Variants in NTM observed in about 807,000 individuals in gnomAD.
The protein encoded by NTM is neurotrimin, also known as IgLON family member 2.
A neutral mutation model predicts 42.1 loss-of-function variants in NTM; 13 were observed. The ratio of observed to expected loss-of-function variants is 0.31; its 90% CI spans 0.20 to 0.49. The LOEUF (loss-of-function observed/expected upper bound fraction) is 0.49, where lower values mean the gene tolerates loss of function less well. NTM is among the 20% of genes least tolerant of loss of function. NTM has a pLI of 0.99. For synonymous variants in NTM, 187 were observed against 179.2 expected (o/e 1.04, Z -0.35); for missense variants, 373 against 452.8 (o/e 0.82, Z 1.60).
intron 1 of NTM, among the ~76,000 whole-genome samples, chr11:131,691,695 G>A (rs969198672): frequency 5.3e-5 from 8 of 152,254 alleles, no homozygotes; most frequent in African/African-American, 1.7e-4. Context: ...GCTCCCGCTC[G>A]GCCCCGCCAG....
chr11:131,611,287 C>CA (rs2061442453), intron 1 of NTM, among the ~76,000 whole-genome samples: 1 of 152,156 alleles, frequency 6.6e-6, no homozygotes, highest in Non-Finnish European at 1.5e-5. Context: ...GAGGTAATAG[C>CA]ACGATATCCT....
chr11:131,735,506 G>A (rs1360995503), intron 1 of NTM, among the ~76,000 whole-genome samples: 1 of 152,258 alleles, frequency 6.6e-6, no homozygotes, highest in Non-Finnish European at 1.5e-5. Context: ...AGGGGGATGT[G>A]TGGGGTTGTA....
At position 131,544,813 on chromosome 11, in the gene NTM, G is replaced by A. The variant is rs1452968631; in HGVS notation, c.82+173925G>A. Among the ~76,000 whole-genome samples, 3 of 152,188 alleles carry A rather than the reference G, an allele frequency of 2.0e-5. No individual in the cohort carries two copies. The South Asian group carries it at 6.2e-4, about 32-fold the overall frequency. ...CTCCTGGGGGCGCCGCTTGCTCTAT[G>A]TTTTGAGCCCTCCAGGCGAATCTCT... On this transcript the variant is annotated intron_variant, in intron 1 of 8. Coordinates refer to ENST00000683400, the MANE Select transcript of NTM (RefSeq NM_001352005.2).
chr11:131,666,926 T>G (rs781603801), intron 1 of NTM, among the ~76,000 whole-genome samples: 2 of 152,184 alleles, frequency 1.3e-5, no homozygotes, highest in African/African-American at 2.4e-5. Flanking sequence ...GTCTCACATC[T>G]GAGCGATTCA....
intron 1 of NTM, among the ~76,000 whole-genome samples, chr11:131,875,957 G>GGGGCCCAGTGCAAGGGAGAGTC (rs1221785841): frequency 3.9e-5 from 6 of 152,250 alleles, no homozygotes. Flanking sequence ...AGGCTGAGGA[G>GGGGCCCAGTGCAAGGGAGAGTC]GGGCCCAGTG....
chr11:131,579,924 C>T (rs1474703940), intron 1 of NTM, among the ~76,000 whole-genome samples: 2 of 152,136 alleles, frequency 1.3e-5, no homozygotes, highest in African/African-American at 4.8e-5. Context: ...GCATCAATGC[C>T]ATATTTAGAA....
chr11:131,629,051 T>C (rs1218574041), intron 1 of NTM, among the ~76,000 whole-genome samples: 1 of 152,208 alleles, frequency 6.6e-6, no homozygotes, highest in Non-Finnish European at 1.5e-5. Context: ...GTCCGATCTG[T>C]TTTCTGCTCT....
At chr11:131,883,913 C>G (rs1403232899) in intron 1 of NTM, among the ~76,000 whole-genome samples, 1 of 152,144 alleles carries the variant, frequency 6.6e-6, no homozygotes, top group East Asian at 1.9e-4. Flanking sequence ...CTTGACTTTT[C>G]TTTTATTAAA....
intron 1 of NTM, among the ~76,000 whole-genome samples, chr11:131,618,170 G>A (rs1294262837): frequency 6.6e-6 from 1 of 152,182 alleles, no homozygotes; most frequent in Non-Finnish European, 1.5e-5. Flanking sequence ...GTATAACTCT[G>A]GTTACAGCAG....
At chr11:131,664,173 T>G (rs889526684) in intron 1 of NTM, among the ~76,000 whole-genome samples, 1 of 152,200 alleles carries the variant, frequency 6.6e-6, no homozygotes, top group Non-Finnish European at 1.5e-5. Flanking sequence ...AGAACCCAGT[T>G]TGAGGCCTGC....
chr11:132,007,274 G>T (rs185637693), intron 2 of NTM, among the ~76,000 whole-genome samples: 144 of 152,270 alleles, frequency 9.5e-4, no homozygotes, highest in African/African-American at 3.2e-3. Context: ...ATTTTTGAAG[G>T]TGAACATTCT....
intron 4 of NTM, among the ~76,000 whole-genome samples, chr11:132,241,298 A>G (rs1200153593): frequency 6.6e-6 from 1 of 152,150 alleles, no homozygotes; most frequent in Non-Finnish European, 1.5e-5. Context: ...AAATTTATAT[A>G]TAATGTTTTT....
chr11:131,795,967 A>T, intron 1 of NTM: 1 of 983,958 alleles, frequency 1.0e-6, no homozygotes, highest in Non-Finnish European at 1.2e-6. Context: ...TCCAGATGGG[A>T]GGAAGGGAAA....
At chr11:131,799,667 T>C (rs1481665759) in intron 1 of NTM, among the ~76,000 whole-genome samples, 1 of 152,066 alleles carries the variant, frequency 6.6e-6, no homozygotes, top group African/African-American at 2.4e-5. Context: ...TTAAATCCAG[T>C]GATAGCTGAT....
At chr11:131,474,734 G>A (rs1252295342) in intron 1 of NTM, among the ~76,000 whole-genome samples, 1 of 151,980 alleles carries the variant, frequency 6.6e-6, no homozygotes, top group African/African-American at 2.4e-5. Context: ...TATCATTCCT[G>A]ATATCACTCT....
chr11:131,763,253 C>T (rs904590384), intron 1 of NTM, among the ~76,000 whole-genome samples: 4 of 152,180 alleles, frequency 2.6e-5, no homozygotes, highest in Non-Finnish European at 2.9e-5. Context: ...ATATTTTAGT[C>T]TTTCCAAATA....
intron 1 of NTM, among the ~76,000 whole-genome samples, chr11:131,568,217 G>A (rs1393124578): frequency 6.6e-6 from 1 of 152,182 alleles, no homozygotes; most frequent in African/African-American, 2.4e-5. Context: ...TGTGGCAAAA[G>A]TGGCCAGCAT....
At chr11:131,938,590 TG>T (rs1463345544) in intron 2 of NTM, among the ~76,000 whole-genome samples, 1 of 152,186 alleles carries the variant, frequency 6.6e-6, no homozygotes, top group Non-Finnish European at 1.5e-5. Flanking sequence ...GAGAATGGCT[TG>T]GTCATGTGTA....
chr11:131,499,332 G>C (rs1252993724), intron 1 of NTM, among the ~76,000 whole-genome samples: 1 of 152,098 alleles, frequency 6.6e-6, no homozygotes, highest in Non-Finnish European at 1.5e-5. Context: ...TTTGATATAA[G>C]TGTAATGATG....
Sources: gnomAD v4.1 joint callset for allele counts (sites outside exome capture counted in the v4.1 genomes callset) on GRCh38, gnomAD v4.1.1 for gene constraint, MANE v1.5 for transcripts, NCBI Gene and HGNC (gene_info 2026-07-23, HGNC 2026-07-21) for gene names.